The following DOCK4 variants were observed in gnomAD, a reference collection of about 807,000 sequenced individuals.
DOCK4 encodes the protein dedicator of cytokinesis protein 4.
Under a neutral mutation model 268.1 loss-of-function variants are expected in DOCK4, and 97 were observed. The ratio of observed to expected loss-of-function variants is 0.36; its 90% CI spans 0.31 to 0.43. The LOEUF (loss-of-function observed/expected upper bound fraction) is 0.43, where lower values mean the gene tolerates loss of function less well. Among genes scored for constraint, DOCK4 ranks in the 20% least tolerant of loss-of-function variants. DOCK4 has a pLI of 1.00. For missense variants in DOCK4, 2,145 were observed against 2,455.7 expected (o/e 0.87, Z 2.67); for synonymous variants, 954 against 887.2 (o/e 1.08, Z -1.34).
intron 1 of DOCK4, among the ~76,000 whole-genome samples, chr7:112,046,266 C>T (rs147706313): frequency 6.3e-4 from 96 of 152,296 alleles, no homozygotes; most frequent in African/African-American, 1.9e-3. Context: ...AGTATACCCA[C>T]CATCTATACA....
chr7:111,980,253 T>G (rs1248681128), intron 7 of DOCK4, among the ~76,000 whole-genome samples: 1 of 152,178 alleles, frequency 6.6e-6, no homozygotes, highest in East Asian at 1.9e-4. Flanking sequence ...CTTTCAGGTC[T>G]AGGACCCATT....
chr7:111,893,473 T>C (rs1808461504), intron 16 of DOCK4, among the ~76,000 whole-genome samples: 1 of 152,218 alleles, frequency 6.6e-6, no homozygotes, highest in African/African-American at 2.4e-5. Flanking sequence ...GTCTTAGTTA[T>C]CTCAGCCTTA....
chr7:111,875,640 T>C (rs1806793547), intron 17 of DOCK4, among the ~76,000 whole-genome samples: 1 of 152,224 alleles, frequency 6.6e-6, no homozygotes, highest in South Asian at 2.1e-4. Context: ...GTCAGAGAGA[T>C]GTGAAGATGC....
chr7:111,780,550 C>T (rs1798727484), intron 35 of DOCK4, among the ~76,000 whole-genome samples: 1 of 152,152 alleles, frequency 6.6e-6, no homozygotes, highest in Admixed American at 6.5e-5. Context: ...AAAATACCTC[C>T]AGTCAGCAGA....
chr7:112,157,673 GGA>G (rs1816746361), intron 1 of DOCK4, among the ~76,000 whole-genome samples: 1 of 152,156 alleles, frequency 6.6e-6, no homozygotes, highest in African/African-American at 2.4e-5. Context: ...TATTTCAGAC[GGA>G]GAGAGCTGTC....
At chr7:111,742,812 T>C (rs944964926) in intron 44 of DOCK4, among the ~76,000 whole-genome samples, 9 of 152,102 alleles carry the variant, frequency 5.9e-5, no homozygotes, top group African/African-American at 2.2e-4. Flanking sequence ...GACAACACAG[T>C]GAAACGCTGT....
intron 1 of DOCK4, among the ~76,000 whole-genome samples, chr7:112,015,877 A>C (rs1488634411): frequency 6.6e-6 from 1 of 152,206 alleles, no homozygotes; most frequent in African/African-American, 2.4e-5. Flanking sequence ...AGGACGAAGA[A>C]CATGAGTGTA....
chr7:111,798,450 TA>T (rs1800050974), intron 30 of DOCK4, among the ~76,000 whole-genome samples: 1 of 152,220 alleles, frequency 6.6e-6, no homozygotes, highest in African/African-American at 2.4e-5. Flanking sequence ...AGCAAGACTG[TA>T]AGGAGTGTCT....
chr7:111,869,282 CTT>C (rs1806229156), intron 21 of DOCK4, among the ~76,000 whole-genome samples: 1 of 152,106 alleles, frequency 6.6e-6, no homozygotes, highest in South Asian at 2.1e-4. Context: ...CCCATATAGA[CTT>C]CTCTCATAAA....
At chr7:111,760,418 C>G in intron 39 of DOCK4, 96 bp from the exon 40 acceptor site, 1 of 1,278,506 alleles carries the variant, frequency 7.8e-7, no homozygotes, top group Non-Finnish European at 1.1e-6. Flanking sequence ...TGACCACATG[C>G]CCCATACCAA....
At position 111,811,943 on chromosome 7, in the gene DOCK4, A is replaced by G. The variant is rs373618668; in HGVS notation, c.2937T>C (p.Ile979=). 223 of 1,498,586 alleles carry G rather than the reference A, an allele frequency of 1.5e-4. No individual in the cohort carries two copies. Among genetic ancestry groups the G allele is most frequent in the Non-Finnish European group, 1.6e-4 (173 of 1,106,418 alleles). 92.8% of individuals were successfully genotyped at this position (1,498,586 alleles called of 1,614,324 possible). A position where few individuals can be genotyped will look rare whatever the true frequency, so the allele number is the denominator to read the frequency against. ...CTGAGAGGTATAGAACTGTTGTAAT[A>G]ATAACACTAGTGATAAAAAAAATGA... ...TVMRLVANNV[I]ITTVLYLSDA... is the part of the protein sequence containing the mutation. Residue 979 remains isoleucine, a synonymous_variant, in exon 28 of 53, where the codon ATT becomes ATC. Coordinates refer to ENST00000428084, the MANE Select transcript of DOCK4 (RefSeq NM_001363540.2).
intron 30 of DOCK4, among the ~76,000 whole-genome samples, chr7:111,794,937 C>G (rs1031663548): frequency 6.6e-6 from 1 of 152,100 alleles, no homozygotes; most frequent in Admixed American, 6.5e-5. Flanking sequence ...GGTGAGCTGG[C>G]AAGGATTTCC....
intron 8 of DOCK4, among the ~76,000 whole-genome samples, chr7:111,963,540 TG>T (rs1226173410): frequency 4.1e-5 from 2 of 48,346 alleles, no homozygotes; most frequent in Admixed American, 4.6e-4. Context: ...ATCCCACACC[TG>T]GCTCAGAGGG....
At chr7:112,041,060 C>G (rs1246639533) in intron 1 of DOCK4, among the ~76,000 whole-genome samples, 1 of 152,086 alleles carries the variant, frequency 6.6e-6, no homozygotes, top group East Asian at 1.9e-4. Flanking sequence ...AGCTCAGGCT[C>G]AGATGCAGCT....
chr7:112,118,668 G>A (rs1240204509), intron 1 of DOCK4, among the ~76,000 whole-genome samples: 1 of 152,044 alleles, frequency 6.6e-6, no homozygotes, highest in East Asian at 1.9e-4. Context: ...AAGATGCTAA[G>A]ATCATCTTCT....
intron 30 of DOCK4, among the ~76,000 whole-genome samples, chr7:111,796,956 G>A (rs927312451): frequency 6.6e-6 from 1 of 152,118 alleles, no homozygotes; most frequent in Non-Finnish European, 1.5e-5. Context: ...AACCAGAAAG[G>A]GAAAACAGTC....
intron 32 of DOCK4, among the ~76,000 whole-genome samples, chr7:111,786,380 G>A (rs953249417): frequency 6.7e-6 from 1 of 148,846 alleles, no homozygotes; most frequent in African/African-American, 2.6e-5. Context: ...GGTGGAGCCA[G>A]GGGAAGCAGA....
intron 1 of DOCK4, among the ~76,000 whole-genome samples, chr7:112,080,017 T>C (rs1808434439): frequency 6.6e-6 from 1 of 152,156 alleles, no homozygotes; most frequent in Non-Finnish European, 1.5e-5. Context: ...AGGTCAGCTT[T>C]TAAATTCCTA....
chr7:111,743,659 C>A (rs1203608258), intron 44 of DOCK4, among the ~76,000 whole-genome samples: 3 of 152,090 alleles, frequency 2.0e-5, no homozygotes, highest in Non-Finnish European at 4.4e-5. Flanking sequence ...TAGACTCCAG[C>A]ATGGATTTCA....
Sources: gnomAD v4.1 joint callset for allele counts (sites outside exome capture counted in the v4.1 genomes callset) on GRCh38, gnomAD v4.1.1 for gene constraint, MANE v1.5 for transcripts, NCBI Gene and HGNC (gene_info 2026-07-23, HGNC 2026-07-21) for gene names.